Variants in WDFY2 observed in about 807,000 individuals in gnomAD.
The protein encoded by WDFY2 is WD repeat and FYVE domain containing 2.
WDFY2 carries 36 observed loss-of-function variants against 56.4 expected under a neutral mutation model. The observed-to-expected ratio is 0.64, with a 90% confidence interval of 0.49 to 0.84. The LOEUF is 0.84. Among genes scored for constraint, WDFY2 ranks in the 40% least tolerant of loss-of-function variants. The probability of loss-of-function intolerance (pLI) is 0.00; values close to 1 mark genes in which losing one functional copy is unlikely to be tolerated. For missense variants in WDFY2, 444 were observed against 512.2 expected (o/e 0.87, Z 1.29); for synonymous variants, 176 against 183.7 (o/e 0.96, Z 0.34).
At chr13:51,610,078 A>C (rs1194145828) in intron 1 of WDFY2, among the ~76,000 whole-genome samples, 2 of 152,108 alleles carry the variant, frequency 1.3e-5, no homozygotes, top group Non-Finnish European at 2.9e-5. Flanking sequence ...TCTATGAAAG[A>C]CTTGGCTAGG....
At position 51,651,909 on chromosome 13, in the gene WDFY2, A is replaced by G. The variant is rs533031895; in HGVS notation, c.138-8687A>G. On this transcript the variant is annotated intron_variant, in intron 1 of 11. Transcript: ENST00000298125. ...GGGGTAGAGAATTCTGTAGATGTCT[A>G]TTAGGTCCGCTTGGTGCAGAGCTGA... 6.6e-5 allele frequency among the ~76,000 whole-genome samples: 10 copies of G among 152,306 alleles called. No individual in the cohort carries two copies. The East Asian group carries it at 9.6e-4, about 15-fold the overall frequency.
chr13:51,752,866 CTG>C (rs1205811839), intron 8 of WDFY2: 1 of 152,184 alleles, frequency 6.6e-6, no homozygotes, highest in East Asian at 1.9e-4. Context: ...ATCTTAGCCT[CTG>C]TGGAGCTGCT....
chr13:51,688,969 ATACT>A (rs1956104948), intron 3 of WDFY2, among the ~76,000 whole-genome samples: 1 of 152,214 alleles, frequency 6.6e-6, no homozygotes, highest in Admixed American at 6.5e-5. Context: ...GGGACACAAA[ATACT>A]TTAGCTAGCA....
chr13:51,638,170 T>G (rs1415458124), intron 1 of WDFY2, among the ~76,000 whole-genome samples: 1 of 152,178 alleles, frequency 6.6e-6, no homozygotes, highest in Non-Finnish European at 1.5e-5. Flanking sequence ...GAGTTGAGCG[T>G]GGTCCTCAAA....
At chr13:51,597,656 A>C (rs1954177131) in intron 1 of WDFY2, among the ~76,000 whole-genome samples, 1 of 152,266 alleles carries the variant, frequency 6.6e-6, no homozygotes, top group South Asian at 2.1e-4. Flanking sequence ...GAATGGGATC[A>C]AAATGGCAGA....
chr13:51,589,462 T>C (rs1954004602), intron 1 of WDFY2: 1 of 152,228 alleles, frequency 6.6e-6, no homozygotes, highest in Non-Finnish European at 1.5e-5. Flanking sequence ...TTTCATCTTA[T>C]GAATCCTCAT....
chr13:51,759,832 A>T lies in WDFY2; in HGVS notation c.*63A>T, dbSNP rs1593487908. The T allele has an allele frequency of 9.3e-7, 1 of 1,069,590 alleles. No individual in the cohort carries two copies. Among genetic ancestry groups the T allele is most frequent in the Non-Finnish European group, 1.3e-6 (1 of 753,604 alleles). 66.3% of individuals were successfully genotyped at this position (1,069,590 alleles called of 1,614,324 possible). On this transcript the variant is annotated 3_prime_UTR_variant, in exon 12 of 12. Transcript: ENST00000298125. ...AGAAACGGTTGTTTTAACCCAAATC[A>T]TTACCAGAGTGGTAAAGCAGACATG...
At chr13:51,705,425 A>G (rs1248465972) in intron 4 of WDFY2, among the ~76,000 whole-genome samples, 2 of 152,192 alleles carry the variant, frequency 1.3e-5, no homozygotes, top group Admixed American at 6.5e-5. Context: ...TAATACATCC[A>G]TGTAATCTGA....
intron 11 of WDFY2, among the ~76,000 whole-genome samples, chr13:51,758,680 C>G (rs1353661686): frequency 6.6e-6 from 1 of 152,196 alleles, no homozygotes; most frequent in East Asian, 1.9e-4. Context: ...GAGCTCCAGC[C>G]TGCAAGGAAT....
In WDFY2 at chr13:51,764,730, G is replaced by C. The variant is rs890496655; in HGVS notation, c.*4961G>C. ...AAATCCCTAGAACTGTTAACTGAAG[G>C]TGACTCAGGGTAACTAATTCTGGAT... On this transcript the variant is annotated 3_prime_UTR_variant, in exon 12 of 12. Coordinates refer to ENST00000298125, the MANE Select transcript of WDFY2 (RefSeq NM_052950.4). 1 of 152,232 alleles carries C rather than the reference G, an allele frequency of 6.6e-6. No homozygotes were observed. The highest frequency in any genetic ancestry group is 1.5e-5 in the Non-Finnish European group (1 of 68,046). The allele number at this position is 152,232 out of a possible 1,614,324, so 9.4% of individuals were successfully genotyped here. A position where few individuals can be genotyped will look rare whatever the true frequency, so the allele number is the denominator to read the frequency against.
At chr13:51,732,122 AGAG>A (rs1234710147) in intron 6 of WDFY2, among the ~76,000 whole-genome samples, 3 of 152,164 alleles carry the variant, frequency 2.0e-5, no homozygotes, top group Non-Finnish European at 4.4e-5. Flanking sequence ...TAACTTGAAC[AGAG>A]GAGAATTTTT....
At chr13:51,605,363 G>A (rs1033458080) in intron 1 of WDFY2, among the ~76,000 whole-genome samples, 1 of 152,164 alleles carries the variant, frequency 6.6e-6, no homozygotes, top group Non-Finnish European at 1.5e-5. Flanking sequence ...TACAAAATGA[G>A]GATAGAAATA....
Position 51,650,755 on chromosome 13 carries a change from G to A in WDFY2, c.138-9841G>A, listed in dbSNP as rs146141652. Among the ~76,000 whole-genome samples the A allele has an allele frequency of 3.7e-3, 569 of 152,278 alleles. 4 individuals carry two copies. Among genetic ancestry groups the A allele is most frequent in the African/African-American group, 0.013 (535 of 41,542 alleles). On this transcript the variant is annotated intron_variant, in intron 1 of 11. Coordinates refer to ENST00000298125, the MANE Select transcript of WDFY2 (RefSeq NM_052950.4). ...ATGTTGAACCAGCCTTGCATCCCAG[G>A]GATGAAGCCCACTTGATCATGGTGG...
intron 4 of WDFY2, among the ~76,000 whole-genome samples, chr13:51,712,699 A>G (rs1952249293): frequency 6.6e-6 from 1 of 152,016 alleles, no homozygotes; most frequent in African/African-American, 2.4e-5. Context: ...TAGTGTTTTG[A>G]TAAGCTCAAT....
intron 4 of WDFY2, among the ~76,000 whole-genome samples, chr13:51,711,832 A>G (rs1952225213): frequency 1.3e-5 from 2 of 152,234 alleles, no homozygotes; most frequent in African/African-American, 2.4e-5. Flanking sequence ...ACACTTTTAC[A>G]CTGTTGGTGG....
chr13:51,630,596 G>T (rs1954934141), intron 1 of WDFY2, among the ~76,000 whole-genome samples: 1 of 151,584 alleles, frequency 6.6e-6, no homozygotes, highest in Non-Finnish European at 1.5e-5. Flanking sequence ...CAGTCAGATG[G>T]GTGGTATTTT....
intron 1 of WDFY2, among the ~76,000 whole-genome samples, chr13:51,631,906 G>A (rs1481017230): frequency 6.6e-6 from 1 of 152,012 alleles, no homozygotes; most frequent in East Asian, 1.9e-4. Flanking sequence ...ACTTTCTTGA[G>A]TTTTTTATTC....
intron 6 of WDFY2, among the ~76,000 whole-genome samples, chr13:51,728,877 G>T (rs534177891): frequency 7.9e-5 from 12 of 152,104 alleles, no homozygotes; most frequent in East Asian, 5.8e-4. Context: ...TTCTGGGGGG[G>T]ACCCAGAACT....
At chr13:51,607,887 C>T (rs1954413324) in intron 1 of WDFY2, among the ~76,000 whole-genome samples, 1 of 152,134 alleles carries the variant, frequency 6.6e-6, no homozygotes, top group African/African-American at 2.4e-5. Context: ...GGGAGATCTT[C>T]CTGGACTATC....
Sources: gnomAD v4.1 joint callset for allele counts (sites outside exome capture counted in the v4.1 genomes callset) on GRCh38, gnomAD v4.1.1 for gene constraint, MANE v1.5 for transcripts, NCBI Gene and HGNC (gene_info 2026-07-23, HGNC 2026-07-21) for gene names.